The following SAMMSON variants were observed in gnomAD, a reference collection of about 807,000 sequenced individuals.
The protein encoded by SAMMSON is long intergenic non-protein coding RNA 1212.
chr3:70,330,348 C>T (rs889529448), intron 7 of SAMMSON, among the ~76,000 whole-genome samples: 1 of 151,990 alleles, frequency 6.6e-6, no homozygotes, highest in East Asian at 1.9e-4. Flanking sequence ...GAGAACATAT[C>T]AGTAATCTGA....
chr3:70,039,430 C>CT (rs2067098070), intron 3 of SAMMSON, among the ~76,000 whole-genome samples: 1 of 151,986 alleles, frequency 6.6e-6, no homozygotes, highest in African/African-American at 2.4e-5. Flanking sequence ...AACAAAAATA[C>CT]TGGTCTCTCC....
At chr3:70,356,206 G>A (rs1702828201) in intron 8 of SAMMSON, among the ~76,000 whole-genome samples, 1 of 151,896 alleles carries the variant, frequency 6.6e-6, no homozygotes, top group South Asian at 2.1e-4. Context: ...AAAATCATTG[G>A]CTTTTTATAG....
intron 4 of SAMMSON, among the ~76,000 whole-genome samples, chr3:70,171,298 A>G (rs1700944571): frequency 6.6e-6 from 1 of 151,860 alleles, no homozygotes; most frequent in Non-Finnish European, 1.5e-5. Flanking sequence ...TATGTTTTTC[A>G]TAAGTATAGA....
chr3:70,048,418 A>T (rs1278302510), intron 3 of SAMMSON, among the ~76,000 whole-genome samples: 1 of 152,126 alleles, frequency 6.6e-6, no homozygotes, highest in South Asian at 2.1e-4. Context: ...CTTATTACAC[A>T]TAAATTTTTA....
chr3:70,382,454 CT>C (rs776565484), intron 9 of SAMMSON, among the ~76,000 whole-genome samples: 18 of 152,212 alleles, frequency 1.2e-4, no homozygotes, highest in African/African-American at 3.9e-4. Context: ...GGAGATATTT[CT>C]GGTTGCCACA....
chr3:70,374,281 G>T (rs1184464827), intron 9 of SAMMSON, among the ~76,000 whole-genome samples: 2 of 152,106 alleles, frequency 1.3e-5, no homozygotes, highest in African/African-American at 4.8e-5. Flanking sequence ...TGTGTCTATT[G>T]ATTGTCCTTT....
At chr3:70,035,418 A>G (rs543606919) in intron 3 of SAMMSON, among the ~76,000 whole-genome samples, 2 of 152,294 alleles carry the variant, frequency 1.3e-5, no homozygotes, top group South Asian at 4.1e-4. Flanking sequence ...AGGTCAACTG[A>G]TCAGTAACTT....
intron 4 of SAMMSON, among the ~76,000 whole-genome samples, chr3:70,244,238 A>T (rs563292890): frequency 1.3e-5 from 2 of 152,310 alleles, no homozygotes; most frequent in Admixed American, 1.3e-4. Context: ...TCCAGTAAGG[A>T]ACTAATGTTT....
At chr3:70,055,382 T>C (rs2067163161) in intron 3 of SAMMSON, among the ~76,000 whole-genome samples, 2 of 152,184 alleles carry the variant, frequency 1.3e-5, no homozygotes, top group African/African-American at 4.8e-5. Context: ...CTACTTATAT[T>C]TTTAATCTGT....
At chr3:70,332,182 A>C (rs1702625796) in intron 7 of SAMMSON, among the ~76,000 whole-genome samples, 1 of 152,262 alleles carries the variant, frequency 6.6e-6, no homozygotes, top group African/African-American at 2.4e-5. Context: ...AACACACAGC[A>C]TTCAAAAGAG....
At chr3:70,287,909 C>T (rs1410995066) in intron 6 of SAMMSON, among the ~76,000 whole-genome samples, 1 of 152,152 alleles carries the variant, frequency 6.6e-6, no homozygotes, top group African/African-American at 2.4e-5. Context: ...GTGACATCCC[C>T]TTTATCATTT....
At chr3:70,362,017 G>A (rs1702875225) in intron 9 of SAMMSON, among the ~76,000 whole-genome samples, 1 of 152,000 alleles carries the variant, frequency 6.6e-6, no homozygotes, top group Non-Finnish European at 1.5e-5. Context: ...CGAGATGAAT[G>A]TTTACACCTT....
At chr3:70,355,230 A>C (rs1469345976) in intron 8 of SAMMSON, among the ~76,000 whole-genome samples, 1 of 152,112 alleles carries the variant, frequency 6.6e-6, no homozygotes, top group Non-Finnish European at 1.5e-5. Flanking sequence ...ACCAATCAGC[A>C]AACTCTACTA....
intron 3 of SAMMSON, among the ~76,000 whole-genome samples, chr3:70,021,324 C>G (rs2067012541): frequency 6.6e-6 from 1 of 152,048 alleles, no homozygotes; most frequent in South Asian, 2.1e-4. Flanking sequence ...GTTTACTTTT[C>G]AAGAAAGAAG....
At chr3:70,071,566 G>C (rs1365788203) in intron 4 of SAMMSON, 1 of 151,910 alleles carries the variant, frequency 6.6e-6, no homozygotes, top group Admixed American at 6.6e-5. Flanking sequence ...TGCATTTTCT[G>C]TAAGTAAATG....
intron 9 of SAMMSON, among the ~76,000 whole-genome samples, chr3:70,377,690 G>T (rs1204835629): frequency 6.6e-6 from 1 of 152,036 alleles, no homozygotes; most frequent in East Asian, 1.9e-4. Flanking sequence ...GAAGTCACAT[G>T]ACAAATGATA....
chr3:70,377,448 C>G (rs762683297), intron 9 of SAMMSON, among the ~76,000 whole-genome samples: 2 of 152,022 alleles, frequency 1.3e-5, no homozygotes, highest in Non-Finnish European at 2.9e-5. Flanking sequence ...TCTGGATAAA[C>G]AGCAATTTTG....
chr3:70,315,092 C>A (rs547367916), intron 7 of SAMMSON, among the ~76,000 whole-genome samples: 11 of 152,112 alleles, frequency 7.2e-5, no homozygotes, highest in South Asian at 6.2e-4. Context: ...TTATTTAAGT[C>A]GAAGCATTAG....
chr3:70,073,940 A>G (rs1293050218), intron 4 of SAMMSON, among the ~76,000 whole-genome samples: 2 of 152,052 alleles, frequency 1.3e-5, no homozygotes. Flanking sequence ...TTTAGATGTG[A>G]CCTTGTAAGT....
Sources: gnomAD v4.1 joint callset for allele counts (sites outside exome capture counted in the v4.1 genomes callset) on GRCh38, gnomAD v4.1.1 for gene constraint, MANE v1.5 for transcripts, NCBI Gene and HGNC (gene_info 2026-07-23, HGNC 2026-07-21) for gene names.